TPO: variants seen among roughly 807,000 people sequenced by gnomAD.
The protein encoded by TPO is thyroid microsomal antigen.
Under a neutral mutation model 96.9 loss-of-function variants are expected in TPO, and 78 were observed. The ratio of observed to expected loss-of-function variants is 0.81; its 90% confidence interval spans 0.67 to 0.97. The LOEUF (loss-of-function observed/expected upper bound fraction) is 0.97, where lower values mean the gene tolerates loss of function less well. TPO is among the 50% of genes least tolerant of loss of function. The pLI is 0.00. For synonymous variants in TPO, 547 were observed against 538.0 expected, an observed-to-expected ratio of 1.02 and a Z score of -0.23; for missense variants, 1,252 against 1,274.8, an observed-to-expected ratio of 0.98 and a Z score of 0.27.
At chr2:1,460,927 A>T (rs1359955159) in intron 7 of TPO, among the ~76,000 whole-genome samples, 1 of 152,082 alleles carries the variant, frequency 6.6e-6, no homozygotes, top group East Asian at 1.9e-4. Flanking sequence ...ACCTTTGGGG[A>T]TCTCCTGGAG....
chr2:1,520,949 G>T (rs185946612), intron 15 of TPO, among the ~76,000 whole-genome samples: 1 of 152,176 alleles, frequency 6.6e-6, no homozygotes, highest in South Asian at 2.1e-4. Flanking sequence ...GATGCTAAAT[G>T]TGCAGTTCCA....
chr2:1,385,248 C>T (rs1235410047), intron 1 of TPO, among the ~76,000 whole-genome samples: 1 of 152,186 alleles, frequency 6.6e-6, no homozygotes, highest in East Asian at 1.9e-4. Context: ...AGGATTCCCT[C>T]TTTTTGTATT....
At chr2:1,524,560 G>A (rs1455037888) in intron 15 of TPO, among the ~76,000 whole-genome samples, 5 of 107,100 alleles carry the variant, frequency 4.7e-5, no homozygotes, top group Admixed American at 1.2e-4. Flanking sequence ...CCCCCACTGT[G>A]TGCAACCCCC....
At chr2:1,476,068 AATGCAGCCCAGG>A (rs1669903963) in intron 7 of TPO, among the ~76,000 whole-genome samples, 2 of 152,186 alleles carry the variant, frequency 1.3e-5, no homozygotes, top group African/African-American at 4.8e-5. Flanking sequence ...GCATTTCCCT[AATGCAGCCCAGG>A]TCTTCCGTTC....
At chr2:1,409,786 CAG>C (rs1662299761), upstream of TPO, among the ~76,000 whole-genome samples, 1 of 105,310 alleles carries the variant, frequency 9.5e-6, no homozygotes, top group Non-Finnish European at 1.9e-5. Context: ...ATACAAAAAA[CAG>C]TGCGCGCACA....
intron 15 of TPO, among the ~76,000 whole-genome samples, chr2:1,524,944 C>CCCACT (rs1245090034): frequency 7.3e-6 from 1 of 137,384 alleles, no homozygotes; most frequent in African/African-American, 2.8e-5. Flanking sequence ...CCTCAAATCC[C>CCCACT]GACTCTGTGC....
At chr2:1,538,562 A>C (rs1680349509) in intron 15 of TPO, among the ~76,000 whole-genome samples, 2 of 152,220 alleles carry the variant, frequency 1.3e-5, no homozygotes, top group African/African-American at 4.8e-5. Context: ...GTGAATGCCA[A>C]TTATTTTAAT....
chr2:1,442,049 C>T (rs1190942846), intron 5 of TPO, among the ~76,000 whole-genome samples: 4 of 152,168 alleles, frequency 2.6e-5, no homozygotes, highest in Admixed American at 1.3e-4. Flanking sequence ...GGAAGTTCCC[C>T]TGCACAAGCT....
intron 1 of TPO, among the ~76,000 whole-genome samples, chr2:1,398,964 C>T (rs1662125678): frequency 6.6e-6 from 1 of 152,254 alleles, no homozygotes; most frequent in Non-Finnish European, 1.5e-5. Context: ...GCTCTCCCTG[C>T]AGCCAGGCCC....
chr2:1,430,312 CG>C (rs2148477272), intron 3 of TPO, among the ~76,000 whole-genome samples: 1 of 152,338 alleles, frequency 6.6e-6, no homozygotes. Context: ...AGCTTTCACA[CG>C]GTGTTCAGCC....
chr2:1,437,565 A>C (rs1298048759), intron 5 of TPO, among the ~76,000 whole-genome samples: 1 of 152,178 alleles, frequency 6.6e-6, no homozygotes, highest in East Asian at 1.9e-4. Flanking sequence ...TCCTGGGTAT[A>C]TGATGATGGT....
chr2:1,438,938 G>A (rs1286475111), intron 5 of TPO: 15 of 698,654 alleles, frequency 2.1e-5, no homozygotes, highest in Non-Finnish European at 3.7e-5. Context: ...CTCCAATGAC[G>A]TCTACATCCA....
intron 1 of TPO, among the ~76,000 whole-genome samples, chr2:1,392,023 A>C (rs575707915): frequency 6.6e-6 from 1 of 152,252 alleles, no homozygotes; most frequent in Admixed American, 6.5e-5. Flanking sequence ...CTCCTGCCTG[A>C]TTGCCCTGGC....
In TPO at chr2:1,477,578, C is replaced by T. The variant is rs768830989; in HGVS notation, c.1312C>T (p.Arg438Cys). The change falls in exon 8 of 17, where the codon CGC (arginine) becomes TGC (cysteine). Residue 438 changes from arginine (R) to cysteine (C), a missense_variant. Arg to Cys is a radical substitution (Grantham distance 180, BLOSUM62 -3). Coordinates refer to ENST00000329066, the MANE Select transcript of TPO (RefSeq NM_001206744.2). The part of the protein sequence containing the change: ...WSADAVYQEA[R>C]KVVGALHQII... Reference sequence around the variant, plus strand: ...CGCGGACGCCGTGTACCAGGAGGCGCGCAAGGTCGTGGGCGCTCTGCACCA... The same window carrying T: ...CGCGGACGCCGTGTACCAGGAGGCGTGCAAGGTCGTGGGCGCTCTGCACCA... The T allele has an allele frequency of 2.6e-5, 40 of 1,536,938 alleles. No homozygotes were observed. Among genetic ancestry groups the T allele is most frequent in the Non-Finnish European group, 3.2e-5 (37 of 1,147,712 alleles).
intron 5 of TPO, among the ~76,000 whole-genome samples, chr2:1,445,717 T>G (rs1425323636): frequency 2.2e-5 from 3 of 138,088 alleles, no homozygotes; most frequent in African/African-American, 8.2e-5. Flanking sequence ...TTCTTGTTTG[T>G]ATGATCCAGT....
intron 2 of TPO, among the ~76,000 whole-genome samples, chr2:1,415,055 G>T (rs530797841): frequency 6.7e-6 from 1 of 149,582 alleles, no homozygotes; most frequent in South Asian, 2.1e-4. Flanking sequence ...GTGACACCTC[G>T]CTGGGCAGGT....
At chr2:1,509,424 T>C (rs893782144) in intron 14 of TPO, among the ~76,000 whole-genome samples, 1 of 151,220 alleles carries the variant, frequency 6.6e-6, no homozygotes, top group East Asian at 1.9e-4. Flanking sequence ...CCACACCCTC[T>C]TGTTTCAGGG....
chr2:1,509,942 C>G (rs1673919364), intron 14 of TPO, among the ~76,000 whole-genome samples: 1 of 149,232 alleles, frequency 6.7e-6, no homozygotes, highest in Non-Finnish European at 1.5e-5. Flanking sequence ...AGGCACACCC[C>G]CCCTCTTCTT....
intron 3 of TPO, among the ~76,000 whole-genome samples, chr2:1,425,133 T>C (rs1664208874): frequency 6.6e-6 from 1 of 152,106 alleles, no homozygotes; most frequent in South Asian, 2.1e-4. Flanking sequence ...GTCATTGTTC[T>C]AGATGCCGGG....
Sources: gnomAD v4.1 joint callset for allele counts (sites outside exome capture counted in the v4.1 genomes callset) on GRCh38, gnomAD v4.1.1 for gene constraint, MANE v1.5 for transcripts, NCBI Gene and HGNC (gene_info 2026-07-23, HGNC 2026-07-21) for gene names.